Variants in PAPPA2 observed in about 807,000 individuals in gnomAD.
PAPPA2 encodes the protein pappalysin-2.
Under a neutral mutation model 176.4 loss-of-function variants are expected in PAPPA2, and 86 were observed. The ratio of observed to expected loss-of-function variants is 0.49; its 90% CI spans 0.41 to 0.58. The LOEUF is 0.58. Ranked by LOEUF, PAPPA2 falls within the 20% of genes least tolerant of loss-of-function variation. The pLI, the probability that PAPPA2 is intolerant of heterozygous loss-of-function variation, is 0.00. For missense variants in PAPPA2, 2,073 were observed against 2,256.9 expected (o/e 0.92, Z 1.65); for synonymous variants, 809 against 852.2 (o/e 0.95, Z 0.88).
intron 17 of PAPPA2, among the ~76,000 whole-genome samples, chr1:176,771,754 G>C (rs760532991): frequency 6.6e-6 from 1 of 151,772 alleles, no homozygotes; most frequent in African/African-American, 2.4e-5. Context: ...TGAATTTTAC[G>C]TATGTGCACT....
intron 21 of PAPPA2, among the ~76,000 whole-genome samples, chr1:176,829,365 T>G (rs1249570845): frequency 2.0e-5 from 3 of 152,100 alleles, no homozygotes; most frequent in African/African-American, 7.2e-5. Flanking sequence ...TACGGTCGTT[T>G]CCTCCCACAG....
intron 1 of PAPPA2, among the ~76,000 whole-genome samples, chr1:176,498,359 C>A (rs912513901): frequency 1.3e-5 from 2 of 152,134 alleles, no homozygotes; most frequent in African/African-American, 2.4e-5. Flanking sequence ...TTCATCCCAG[C>A]ATAGACACCT....
intron 1 of PAPPA2, among the ~76,000 whole-genome samples, chr1:176,539,971 G>A (rs767623266): frequency 2.6e-5 from 4 of 152,198 alleles, no homozygotes; most frequent in Non-Finnish European, 5.9e-5. Flanking sequence ...AAAGCTGTGG[G>A]TACTGTTCCA....
In PAPPA2 at chr1:176,844,744, G is replaced by A. The variant is rs567783154; in HGVS notation, c.*2290G>A. 39 of 152,214 alleles carry A rather than the reference G, an allele frequency of 2.6e-4. No individual in the cohort carries two copies. The highest frequency in any genetic ancestry group is 8.9e-4 in the African/African-American group (37 of 41,538). 9.4% of individuals were successfully genotyped at this position (152,214 alleles called of 1,614,324 possible). A position where few individuals can be genotyped will look rare whatever the true frequency, so the allele number is the denominator to read the frequency against. On this transcript the variant is annotated 3_prime_UTR_variant, in exon 23 of 23. Coordinates refer to ENST00000367662, the MANE Select transcript of PAPPA2 (RefSeq NM_020318.3). ...CTAGACACATTCTAAGTTCTGCCTTGGAGAATCCTACTTTGTCTGAGATTG... is the reference window on the plus strand; with the variant it reads ...CTAGACACATTCTAAGTTCTGCCTTAGAGAATCCTACTTTGTCTGAGATTG...
intron 9 of PAPPA2, among the ~76,000 whole-genome samples, chr1:176,705,538 A>G (rs1398714374): frequency 2.6e-5 from 4 of 152,154 alleles, no homozygotes; most frequent in Non-Finnish European, 4.4e-5. Context: ...GGAGAAAAAA[A>G]TGGTAGTCCT....
chr1:176,689,302 A>G (rs985756715), intron 4 of PAPPA2, among the ~76,000 whole-genome samples: 1 of 152,282 alleles, frequency 6.6e-6, no homozygotes, highest in Middle Eastern at 3.4e-3. Flanking sequence ...TAAGGTTCCA[A>G]TGATACCACT....
intron 9 of PAPPA2, 122 bp from the exon 10 acceptor site, chr1:176,706,237 A>G (rs755968805): frequency 5.4e-5 from 40 of 736,248 alleles, no homozygotes; most frequent in South Asian, 1.9e-5. Flanking sequence ...TCTAGCTCCT[A>G]CTTTTTTCCA....
intron 2 of PAPPA2, among the ~76,000 whole-genome samples, chr1:176,585,950 A>T (rs1653278786): frequency 6.6e-6 from 1 of 151,984 alleles, no homozygotes. Context: ...TCTATCTCTT[A>T]TATCTCACTG....
intron 3 of PAPPA2, among the ~76,000 whole-genome samples, chr1:176,603,431 A>G (rs1222987954): frequency 1.3e-5 from 2 of 152,148 alleles, no homozygotes; most frequent in Non-Finnish European, 2.9e-5. Flanking sequence ...TAGAGTGGGT[A>G]GTGGGCGGGA....
intron 1 of PAPPA2, among the ~76,000 whole-genome samples, chr1:176,495,542 A>G (rs558114051): frequency 6.6e-6 from 1 of 151,668 alleles, no homozygotes; most frequent in Non-Finnish European, 1.5e-5. Context: ...TGTTTCAAAA[A>G]AAAAAAAAAA....
intron 3 of PAPPA2, among the ~76,000 whole-genome samples, chr1:176,650,506 C>T (rs1350134543): frequency 1.3e-5 from 2 of 151,050 alleles, no homozygotes; most frequent in Non-Finnish European, 3.0e-5. Context: ...TGTGCTGCAC[C>T]CATTAACTTG....
At chr1:176,531,381 C>A (rs576883452) in intron 1 of PAPPA2, among the ~76,000 whole-genome samples, 1 of 152,136 alleles carries the variant, frequency 6.6e-6, no homozygotes, top group Non-Finnish European at 1.5e-5. Flanking sequence ...TCTGTCTGGG[C>A]GCTAGGGTGT....
chr1:176,781,800 C>G lies in PAPPA2; in HGVS notation c.4716-8009C>G, dbSNP rs76549767. On this transcript the variant is annotated intron_variant, in intron 17 of 22. Coordinates refer to ENST00000367662, the MANE Select transcript of PAPPA2 (RefSeq NM_020318.3). ...AGTGGATCCTGAGATTTATTTCTAA[C>G]AAGCTCCCTGGTGATTCTAATATTG... 2.9e-3 allele frequency among the ~76,000 whole-genome samples: 438 copies of G among 152,252 alleles called. 1 individual carries two copies. The highest frequency in any genetic ancestry group is 4.7e-3 in the Non-Finnish European group (317 of 68,014).
rs1313420102 is a variant in PAPPA2 at position 176,557,175 on chromosome 1, G to A, written c.853G>A (p.Glu285Lys). The change falls in exon 2 of 23, where the codon GAG becomes AAG. Residue 285 changes from glutamate to lysine, a missense_variant. Glu to Lys is a moderately conservative substitution (Grantham distance 56). Transcript: ENST00000367662. ...AGAAGTGCTGGCTGAGATTCCCCGG[G>A]AGGCGTTCACAGTGGAAGCCTGGGT... ...RPEVLAEIPR[E>K]AFTVEAWVKP... 1.2e-6 allele frequency: 2 copies of A among 1,613,312 alleles called. No homozygotes were observed. Among genetic ancestry groups the A allele is most frequent in the Non-Finnish European group, 1.7e-6 (2 of 1,179,776 alleles).
chr1:176,713,945 G>A (rs1661255886), intron 12 of PAPPA2, among the ~76,000 whole-genome samples: 1 of 152,070 alleles, frequency 6.6e-6, no homozygotes, highest in African/African-American at 2.4e-5. Flanking sequence ...ATAAGTGTCT[G>A]CCCACCTTCA....
At chr1:176,665,480 G>T (rs983657721) in intron 3 of PAPPA2, among the ~76,000 whole-genome samples, 1 of 152,148 alleles carries the variant, frequency 6.6e-6, no homozygotes, top group Non-Finnish European at 1.5e-5. Flanking sequence ...TGGTGCTGAC[G>T]TCCCTTAATT....
chr1:176,484,222 G>A (rs1180735388), intron 1 of PAPPA2, among the ~76,000 whole-genome samples: 1 of 152,120 alleles, frequency 6.6e-6, no homozygotes, highest in Admixed American at 6.5e-5. Flanking sequence ...TTCTATCTTT[G>A]CTCTTTTGTA....
At chr1:176,738,844 C>CT (rs947317305) in intron 12 of PAPPA2, among the ~76,000 whole-genome samples, 46 of 151,002 alleles carry the variant, frequency 3.0e-4, no homozygotes, top group Non-Finnish European at 2.7e-4. Flanking sequence ...TTTTTCTTTT[C>CT]TTTTTTTTTC....
In PAPPA2 at chr1:176,525,028, G is replaced by T. The variant is rs10913195; in HGVS notation, c.-916-30379G>T. ...CTGCACTCCAGCCTGGCCTACAGAA[G>T]GAGACTCCGTCTCAAAAAAAAAAAG... On this transcript the variant is annotated intron_variant, in intron 1 of 22. Coordinates refer to ENST00000367662, the MANE Select transcript of PAPPA2 (RefSeq NM_020318.3). Among the ~76,000 whole-genome samples the T allele has an allele frequency of 5.7e-4, 86 of 152,090 alleles. 1 individual carries two copies. In the Middle Eastern group the frequency reaches 0.014, roughly 24 times the overall value.
Sources: allele counts gnomAD v4.1 joint callset (sites outside exome capture counted in the v4.1 genomes callset), GRCh38; gene constraint gnomAD v4.1.1; transcripts MANE v1.5; gene names NCBI Gene and HGNC (gene_info 2026-07-23, HGNC 2026-07-21).